The following AFF3 variants were observed in gnomAD, a reference collection of about 807,000 sequenced individuals.
AFF3 encodes AF4/FMR2 family member 3.
In AFF3, 32 loss-of-function variants were observed where a neutral mutation model predicts 129.7. The observed-to-expected ratio is 0.25, with a 90% CI of 0.19 to 0.33. The LOEUF is 0.33. Ranked by LOEUF, AFF3 falls within the 10% of genes least tolerant of loss-of-function variation. The probability of loss-of-function intolerance (pLI) is 1.00; values close to 1 mark genes in which losing one functional copy is unlikely to be tolerated. For missense variants in AFF3, 1,373 were observed against 1,592.0 expected (o/e 0.86, Z 2.34); for synonymous variants, 644 against 635.4 (o/e 1.01, Z -0.20).
chr2:99,953,841 C>T (rs1489201451), intron 7 of AFF3, among the ~76,000 whole-genome samples: 1 of 152,192 alleles, frequency 6.6e-6, no homozygotes, highest in Non-Finnish European at 1.5e-5. Flanking sequence ...AAGTGGGAAG[C>T]TGGGCTTCCA....
At chr2:99,742,789 G>A (rs775007956) in intron 10 of AFF3, among the ~76,000 whole-genome samples, 33 of 152,234 alleles carry the variant, frequency 2.2e-4, no homozygotes, top group Admixed American at 1.3e-3. Context: ...TGCAGCTATT[G>A]TAAAGATTAA....
intron 4 of AFF3, among the ~76,000 whole-genome samples, chr2:100,027,875 T>C (rs1684171897): frequency 6.6e-6 from 1 of 152,208 alleles, no homozygotes; most frequent in Admixed American, 6.5e-5. Context: ...ATGTTAAGCA[T>C]ATTATATTTT....
chr2:99,749,659 G>A lies in AFF3; in HGVS notation c.1002+2562C>T, dbSNP rs139031752. Among the ~76,000 whole-genome samples the A allele has an allele frequency of 2.2e-4, 34 of 152,250 alleles. No homozygotes were observed. In the East Asian group the frequency reaches 6.4e-3, roughly 29 times the overall value. ...TAAATTCCCCTGTACTCAATGGAAG[G>A]GCTAGAAGCCTGGGAACTTCACATG... On this transcript the variant is annotated intron_variant, in intron 9 of 24. Transcript: ENST00000672756.
rs115243284 is a variant in AFF3 at position 99,965,116 on chromosome 2, C to T, written c.873+41516G>A. 6.8e-3 allele frequency among the ~76,000 whole-genome samples: 1,028 copies of T among 152,136 alleles called. 8 individuals carry two copies. Among genetic ancestry groups the T allele is most frequent in the African/African-American group, 0.024 (988 of 41,504 alleles). On this transcript the variant is annotated intron_variant, in intron 7 of 24. Coordinates refer to ENST00000672756, the MANE Select transcript of AFF3 (RefSeq NM_001386135.1). Reference sequence around the variant, plus strand: ...TCTGAGATTTCAACTTTATAAACCACGCGAAATGAACAGAAGATGAAATAC... The same window carrying T: ...TCTGAGATTTCAACTTTATAAACCATGCGAAATGAACAGAAGATGAAATAC...
At chr2:99,950,246 T>C (rs1256580830) in intron 7 of AFF3, among the ~76,000 whole-genome samples, 2 of 152,212 alleles carry the variant, frequency 1.3e-5, no homozygotes, top group Non-Finnish European at 2.9e-5. Flanking sequence ...TAAGCTTAAA[T>C]GGATTGTTTC....
chr2:99,733,100 C>T (rs1679964878), intron 10 of AFF3, among the ~76,000 whole-genome samples: 1 of 151,872 alleles, frequency 6.6e-6, no homozygotes, highest in South Asian at 2.1e-4. Context: ...TAAAACTTGG[C>T]CGGGCGCGGT....
chr2:99,980,329 T>G (rs1679291878), intron 7 of AFF3, among the ~76,000 whole-genome samples: 1 of 152,178 alleles, frequency 6.6e-6, no homozygotes, highest in Non-Finnish European at 1.5e-5. Context: ...AAGGAGTCCA[T>G]GTTTTCTTTC....
chr2:99,590,580 C>T lies in AFF3; in HGVS notation c.2466+2615G>A, dbSNP rs749901127. On this transcript the variant is annotated intron_variant, in intron 15 of 24. Transcript: ENST00000672756. ...AGTCAGGACACTTTGGTGTGAAAATCCACACACTTTCCATTATATGTGAGC... is the reference window on the plus strand; with the variant it reads ...AGTCAGGACACTTTGGTGTGAAAATTCACACACTTTCCATTATATGTGAGC... 1.0e-3 allele frequency among the ~76,000 whole-genome samples: 155 copies of T among 152,268 alleles called. 1 individual carries two copies. The Middle Eastern group carries it at 0.01, about 10-fold the overall frequency.
intron 7 of AFF3, among the ~76,000 whole-genome samples, chr2:99,874,121 G>A (rs1301618602): frequency 6.6e-6 from 1 of 152,144 alleles, no homozygotes; most frequent in Non-Finnish European, 1.5e-5. Context: ...AGCTTACAGT[G>A]AGTCGAGATC....
chr2:100,093,868 GACAGTC>G (rs1435244259), intron 4 of AFF3, among the ~76,000 whole-genome samples: 2 of 152,162 alleles, frequency 1.3e-5, no homozygotes, highest in African/African-American at 4.8e-5. Flanking sequence ...CTTCATCCTA[GACAGTC>G]ACACAGCTAG....
intron 8 of AFF3, among the ~76,000 whole-genome samples, chr2:99,768,237 A>G (rs1460003574): frequency 6.6e-6 from 1 of 151,858 alleles, no homozygotes; most frequent in Non-Finnish European, 1.5e-5. Flanking sequence ...AAAGTTAAAC[A>G]TTGCAAAAAA....
chr2:99,925,639 C>T (rs1045030699), intron 7 of AFF3, among the ~76,000 whole-genome samples: 4 of 152,182 alleles, frequency 2.6e-5, no homozygotes, highest in African/African-American at 9.7e-5. Flanking sequence ...CTTCTGCCAC[C>T]ACGGAAATAT....
At chr2:99,962,055 GCA>G (rs1159800314) in intron 7 of AFF3, among the ~76,000 whole-genome samples, 10 of 151,910 alleles carry the variant, frequency 6.6e-5, no homozygotes, top group Admixed American at 3.9e-4. Flanking sequence ...AGGCAGCTGG[GCA>G]CACCAGAAAA....
intron 8 of AFF3, 95 bp downstream of exon 8, chr2:99,837,382 G>C: frequency 1.7e-6 from 2 of 1,209,272 alleles, no homozygotes; most frequent in South Asian, 2.6e-5. Context: ...TCAAACCACA[G>C]ACTATGGGCT....
rs116229962 is a variant in AFF3, at chr2:99,629,972, T to C, written c.1184+19654A>G. Among the ~76,000 whole-genome samples, 847 of 152,262 alleles carry C rather than the reference T, an allele frequency of 5.6e-3. 4 individuals are homozygous for C. The highest frequency in any genetic ancestry group is 0.01 in the Non-Finnish European group (686 of 68,022). On this transcript the variant is annotated intron_variant, in intron 13 of 24. Transcript: ENST00000672756. The stretch of plus-strand genomic sequence containing the variant: ...ATTTTAAGAGAACGTGAACATTTAG[T>C]TCATAACAGGTGCTGAGATAGATAA...
At chr2:99,851,900 C>T (rs1429866265) in intron 7 of AFF3, among the ~76,000 whole-genome samples, 1 of 151,926 alleles carries the variant, frequency 6.6e-6, no homozygotes, top group Non-Finnish European at 1.5e-5. Flanking sequence ...ACGTTTTTTT[C>T]CCCCATCAGT....
chr2:99,738,027 C>T (rs1477417441), intron 10 of AFF3, among the ~76,000 whole-genome samples: 3 of 152,034 alleles, frequency 2.0e-5, no homozygotes, highest in Non-Finnish European at 4.4e-5. Flanking sequence ...ACCACATTTC[C>T]AATCCTCTCT....
At chr2:100,104,313 G>GA (rs1691031554) in intron 4 of AFF3, 89 bp downstream of exon 4, 1 of 237,160 alleles carries the variant, frequency 4.2e-6, no homozygotes, top group Non-Finnish European at 6.5e-6. Flanking sequence ...CGGCCGCCCG[G>GA]AGCCCCCGGC....
intron 8 of AFF3, among the ~76,000 whole-genome samples, chr2:99,802,609 G>A (rs1686025419): frequency 6.6e-6 from 1 of 152,044 alleles, no homozygotes; most frequent in East Asian, 1.9e-4. Flanking sequence ...GTGGCAGTGA[G>A]CTATGATCAT....
Sources: allele counts gnomAD v4.1 joint callset (sites outside exome capture counted in the v4.1 genomes callset), GRCh38; gene constraint gnomAD v4.1.1; transcripts MANE v1.5; gene names NCBI Gene and HGNC (gene_info 2026-07-23, HGNC 2026-07-21).